The following DNAH14 variants were observed in gnomAD, a reference collection of about 807,000 sequenced individuals.
The protein encoded by DNAH14 is dynein axonemal heavy chain 14.
A neutral mutation model predicts 520.9 loss-of-function variants in DNAH14; 478 were observed. The ratio of observed to expected loss-of-function variants is 0.92; its 90% CI spans 0.85 to 0.99. DNAH14 has a LOEUF of 0.99. Ranked by LOEUF, DNAH14 falls within the 50% of genes least tolerant of loss-of-function variation. DNAH14 has a pLI of 0.00. For missense variants in DNAH14, 4,831 were observed against 5,234.5 expected, an observed-to-expected ratio of 0.92 and a Z score of 2.38; for synonymous variants, 1,581 against 1,757.2, an observed-to-expected ratio of 0.90 and a Z score of 2.51.
intron 41 of DNAH14, among the ~76,000 whole-genome samples, chr1:225,211,528 G>T (rs1574016564): frequency 6.6e-6 from 1 of 152,140 alleles, no homozygotes; most frequent in Non-Finnish European, 1.5e-5. Context: ...CATTTGATTG[G>T]TGTACCTGAA....
intron 1 of DNAH14, among the ~76,000 whole-genome samples, chr1:224,935,343 CA>C (rs780453181): frequency 3.3e-5 from 5 of 151,792 alleles, no homozygotes; most frequent in Non-Finnish European, 7.4e-5. Flanking sequence ...ACAAGAAACT[CA>C]CCTTATCAGT....
At chr1:225,120,773 A>C (rs990814725) in intron 26 of DNAH14, among the ~76,000 whole-genome samples, 1 of 152,178 alleles carries the variant, frequency 6.6e-6, no homozygotes, top group Non-Finnish European at 1.5e-5. Context: ...TAGGCAAGAA[A>C]CCCTGAAAAA....
intron 55 of DNAH14, among the ~76,000 whole-genome samples, 152 bp from the exon 56 acceptor site, chr1:225,300,716 TG>T (rs1356567896): frequency 6.7e-6 from 1 of 148,342 alleles, no homozygotes; most frequent in Non-Finnish European, 1.5e-5. Context: ...AAAAAAAAGG[TG>T]GGGGGTGGGG....
Position 225,042,929 on chromosome 1 carries a change from A to T in DNAH14, c.1583A>T (p.Asp528Val). ...NLCLRIPAESDSSENSKENFH... is the reference protein window; with the variant it reads ...NLCLRIPAESVSSENSKENFH... ...TGCTTGAGAATTCCTGCTGAGAGTG[A>T]TTCTTCAGAAAATTCTAAAGAGAAC... The change falls in exon 13 of 86, where the codon GAT (aspartate) becomes GTT (valine). Residue 528 changes from aspartate (D) to valine (V), a missense_variant. Transcript: ENST00000682510. The T allele has an allele frequency of 6.4e-7, 1 of 1,551,822 alleles. No homozygotes were observed. Among genetic ancestry groups the T allele is most frequent in the Non-Finnish European group, 8.7e-7 (1 of 1,147,020 alleles).
chr1:225,121,913 A>G (rs377493955), intron 26 of DNAH14, among the ~76,000 whole-genome samples: 2 of 151,914 alleles, frequency 1.3e-5, no homozygotes, highest in South Asian at 4.2e-4. Flanking sequence ...TCTAAAGAGA[A>G]TGTACAAGTA....
intron 78 of DNAH14, among the ~76,000 whole-genome samples, chr1:225,375,949 A>G (rs530014772): frequency 1.1e-4 from 16 of 151,692 alleles, no homozygotes; most frequent in Non-Finnish European, 2.1e-4. Flanking sequence ...TTAGCCAGGC[A>G]TGATGGTGTG....
chr1:224,944,213 C>G (rs374067290), intron 1 of DNAH14, among the ~76,000 whole-genome samples: 2 of 152,170 alleles, frequency 1.3e-5, no homozygotes, highest in African/African-American at 4.8e-5. Flanking sequence ...GGATAGTTAG[C>G]TCTTCTTGTT....
intron 28 of DNAH14, among the ~76,000 whole-genome samples, 161 bp from the exon 29 acceptor site, chr1:225,144,236 G>A (rs1469850872): frequency 1.3e-5 from 2 of 152,102 alleles, no homozygotes; most frequent in African/African-American, 4.8e-5. Flanking sequence ...ATCAGTCATT[G>A]ATGAGTTTTA....
chr1:225,038,149 C>A (rs2067142445), intron 11 of DNAH14, among the ~76,000 whole-genome samples: 1 of 152,104 alleles, frequency 6.6e-6, no homozygotes, highest in Admixed American at 6.5e-5. Context: ...TCTGGCAAAA[C>A]CCTCAGGTTT....
chr1:225,381,721 C>A, intron 81 of DNAH14, 142 bp downstream of exon 81: 1 of 741,444 alleles, frequency 1.3e-6, no homozygotes, highest in Non-Finnish European at 2.1e-6. Flanking sequence ...TTCATATTTT[C>A]ACATCTCTGA....
intron 7 of DNAH14, among the ~76,000 whole-genome samples, chr1:224,971,750 A>G (rs547888767): frequency 2.0e-5 from 3 of 152,168 alleles, no homozygotes; most frequent in South Asian, 2.1e-4. Context: ...CAAGTTTAGT[A>G]TGGATTTGAT....
chr1:225,149,991 A>T (rs1018771203), intron 31 of DNAH14, among the ~76,000 whole-genome samples: 2 of 152,254 alleles, frequency 1.3e-5, no homozygotes, highest in East Asian at 1.9e-4. Flanking sequence ...TTTTCAAGGG[A>T]AATGCTTCCA....
At chr1:225,076,064 T>C (rs2072237633) in intron 17 of DNAH14, among the ~76,000 whole-genome samples, 1 of 152,098 alleles carries the variant, frequency 6.6e-6, no homozygotes, top group African/African-American at 2.4e-5. Flanking sequence ...CTTGTATCCC[T>C]GGGGGCCAGC....
chr1:225,008,192 G>A (rs2064347977), intron 10 of DNAH14, among the ~76,000 whole-genome samples: 2 of 151,826 alleles, frequency 1.3e-5, no homozygotes, highest in African/African-American at 4.8e-5. Context: ...TTCTGTTCCT[G>A]TGTTAGTTTG....
At chr1:225,121,822 C>G (rs1450387696) in intron 26 of DNAH14, among the ~76,000 whole-genome samples, 2 of 151,776 alleles carry the variant, frequency 1.3e-5, no homozygotes, top group African/African-American at 4.8e-5. Flanking sequence ...GCCTGGGTGA[C>G]AGAGCGAGAC....
At chr1:225,256,300 T>C (rs1265837392) in intron 44 of DNAH14, among the ~76,000 whole-genome samples, 1 of 152,166 alleles carries the variant, frequency 6.6e-6, no homozygotes, top group Non-Finnish European at 1.5e-5. Flanking sequence ...AGAGAATTAG[T>C]GCGCACGTGT....
chr1:225,208,603 G>A (rs938208151), intron 41 of DNAH14, among the ~76,000 whole-genome samples: 5 of 151,912 alleles, frequency 3.3e-5, no homozygotes, highest in Admixed American at 2.0e-4. Flanking sequence ...ATAAATAGAG[G>A]GGAAGAAATG....
chr1:225,185,563 A>C, intron 37 of DNAH14, 138 bp downstream of exon 37: 1 of 878,414 alleles, frequency 1.1e-6, no homozygotes, highest in Non-Finnish European at 1.6e-6. Flanking sequence ...TAAGAATCAT[A>C]ATGAGTGGGA....
At position 225,152,909 on chromosome 1, in the gene DNAH14, T is replaced by G. The variant is rs969992288; in HGVS notation, c.5196+26T>G. On this transcript the variant is annotated intron_variant, in intron 33 of 85. Coordinates refer to ENST00000682510, the MANE Select transcript of DNAH14 (RefSeq NM_001367479.1). The stretch of plus-strand genomic sequence containing the variant: ...GTAAATAGCTACTTTTCTCAAAATA[T>G]TTAAAGGTGATTATATAAAAATAAC... The G allele has an allele frequency of 1.7e-5, 26 of 1,542,374 alleles. No homozygotes were observed. The Admixed American group carries it at 5.3e-4, about 31-fold the overall frequency.
Sources: allele counts gnomAD v4.1 joint callset (sites outside exome capture counted in the v4.1 genomes callset), GRCh38; gene constraint gnomAD v4.1.1; transcripts MANE v1.5; gene names NCBI Gene and HGNC (gene_info 2026-07-23, HGNC 2026-07-21).